Variants in NAV3 observed in about 807,000 individuals in gnomAD.
NAV3 encodes the protein neuron navigator 3, also known as pore membrane and/or filament interacting like protein 1.
NAV3 carries 87 observed loss-of-function variants against 244.7 expected under a neutral mutation model. The ratio of observed to expected loss-of-function variants is 0.36; its 90% CI spans 0.30 to 0.42. The LOEUF is 0.42. Among genes scored for constraint, NAV3 ranks in the 20% least tolerant of loss-of-function variants. NAV3 has a pLI of 1.00. For synonymous variants in NAV3, 1,126 were observed against 1,042.2 expected (o/e 1.08, Z -1.55); for missense variants, 2,663 against 2,893.3 (o/e 0.92, Z 1.83).
At chr12:78,206,526 A>G (rs1960324900) in intron 39 of NAV3, among the ~76,000 whole-genome samples, 1 of 152,134 alleles carries the variant, frequency 6.6e-6, no homozygotes, top group Non-Finnish European at 1.5e-5. Context: ...TAGTCTGTAG[A>G]GTATGAAACC....
At chr12:78,025,619 A>T (rs997058125) in intron 9 of NAV3, among the ~76,000 whole-genome samples, 7 of 146,334 alleles carry the variant, frequency 4.8e-5, no homozygotes, top group African/African-American at 1.7e-4. Flanking sequence ...AAAAAAAAAA[A>T]AAAAGAAATT....
chr12:77,777,746 G>C (rs907197060), intron 2 of NAV3, among the ~76,000 whole-genome samples: 1 of 151,844 alleles, frequency 6.6e-6, no homozygotes. Flanking sequence ...ACACAGAGAG[G>C]GGAGAAAAGA....
In NAV3 at chr12:77,968,501, A is replaced by G. The variant is rs369027934; in HGVS notation, c.488-18A>G. The G allele has an allele frequency of 1.4e-5, 22 of 1,587,628 alleles. No individual in the cohort carries two copies. The highest frequency in any genetic ancestry group is 4.1e-5 in the African/African-American group (3 of 73,728). ...TAAATACATATGATTCTTTTTTTGT[A>G]TTTTTCATTTCATACAGAAATAAGA... is the stretch of plus-strand genomic sequence containing the variant. On this transcript the variant is annotated intron_variant, in intron 4 of 39. Coordinates refer to ENST00000397909, the MANE Select transcript of NAV3 (RefSeq NM_001024383.2).
chr12:77,865,373 G>C (rs979471948), intron 1 of NAV3, among the ~76,000 whole-genome samples: 6 of 8,086 alleles, frequency 7.4e-4, no homozygotes, highest in African/African-American at 8.6e-4. Context: ...CATATTTCAA[G>C]CCCTCTTCTA....
intron 2 of NAV3, among the ~76,000 whole-genome samples, chr12:77,683,594 C>A (rs914158708): frequency 6.6e-6 from 1 of 152,080 alleles, no homozygotes; most frequent in Admixed American, 6.6e-5. Flanking sequence ...TGCACTGAAT[C>A]TGTAGATCGC....
At chr12:77,950,574 G>T (rs1890776053) in intron 3 of NAV3, 1 of 151,996 alleles carries the variant, frequency 6.6e-6, no homozygotes, top group Non-Finnish European at 1.5e-5. Context: ...CTACTTTAAA[G>T]TTCATATGGA....
At chr12:78,026,708 A>T (rs1054449604) in intron 9 of NAV3, among the ~76,000 whole-genome samples, 15 of 152,204 alleles carry the variant, frequency 9.9e-5, no homozygotes, top group Non-Finnish European at 2.1e-4. Flanking sequence ...GCATTTTAAA[A>T]TATATCCAGA....
At chr12:78,205,905 A>G (rs774294442) in intron 39 of NAV3, among the ~76,000 whole-genome samples, 3 of 152,166 alleles carry the variant, frequency 2.0e-5, no homozygotes, top group Non-Finnish European at 2.9e-5. Flanking sequence ...TATGTTGCTT[A>G]AATCAAACTA....
chr12:77,991,289 G>T (rs975273754), intron 5 of NAV3, among the ~76,000 whole-genome samples: 4 of 152,126 alleles, frequency 2.6e-5, no homozygotes, highest in African/African-American at 7.2e-5. Flanking sequence ...CTCCCAAAGT[G>T]CTGTGATTAC....
At chr12:77,905,229 T>C (rs1315139151) in intron 1 of NAV3, among the ~76,000 whole-genome samples, 1 of 152,114 alleles carries the variant, frequency 6.6e-6, no homozygotes, top group Non-Finnish European at 1.5e-5. Flanking sequence ...ATAGAATTGC[T>C]TTGGGGGAAA....
At chr12:78,176,369 A>G (rs776220220) in intron 25 of NAV3, 70 bp from the exon 26 acceptor site, 1 of 1,455,532 alleles carries the variant, frequency 6.9e-7, no homozygotes. Flanking sequence ...TATACAGGTA[A>G]TATTTTAAAA....
chr12:77,613,277 T>C (rs1871001771), intron 2 of NAV3, among the ~76,000 whole-genome samples: 1 of 152,188 alleles, frequency 6.6e-6, no homozygotes, highest in South Asian at 2.1e-4. Context: ...ACTTTTCAAA[T>C]GTGTTCTTTT....
chr12:77,591,233 G>T (rs1223566070), intron 2 of NAV3, among the ~76,000 whole-genome samples: 2 of 152,120 alleles, frequency 1.3e-5, no homozygotes, highest in Non-Finnish European at 2.9e-5. Context: ...TCTAAAAAAA[G>T]GTAGTGATTT....
chr12:77,948,219 C>T (rs1477965277), intron 3 of NAV3, among the ~76,000 whole-genome samples: 1 of 151,920 alleles, frequency 6.6e-6, no homozygotes, highest in Admixed American at 6.6e-5. Flanking sequence ...ACAAGAATGC[C>T]TTGTTGCATT....
At chr12:78,112,380 C>A (rs1955142544) in intron 12 of NAV3, among the ~76,000 whole-genome samples, 1 of 152,012 alleles carries the variant, frequency 6.6e-6, no homozygotes, top group African/African-American at 2.4e-5. Flanking sequence ...TTAGTCTGTT[C>A]TTAAACTGCT....
intron 2 of NAV3, among the ~76,000 whole-genome samples, chr12:77,808,259 T>G (rs1480017994): frequency 6.6e-6 from 1 of 152,216 alleles, no homozygotes; most frequent in Non-Finnish European, 1.5e-5. Context: ...AGAAGCGTTC[T>G]GGTTTTTGGA....
At chr12:77,952,084 A>C (rs529150940) in intron 3 of NAV3, among the ~76,000 whole-genome samples, 27 of 150,604 alleles carry the variant, frequency 1.8e-4, no homozygotes, top group African/African-American at 5.9e-4. Flanking sequence ...AAAAAAAAAA[A>C]CAGGTTGTTT....
intron 28 of NAV3, 91 bp downstream of exon 28, chr12:78,177,776 G>T (rs1400518654): frequency 3.1e-5 from 35 of 1,131,714 alleles, no homozygotes; most frequent in Non-Finnish European, 4.0e-5. Flanking sequence ...TCACTCACAT[G>T]CATTTCAACA....
intron 1 of NAV3, among the ~76,000 whole-genome samples, chr12:77,934,274 C>T (rs1347168318): frequency 6.6e-6 from 1 of 152,140 alleles, no homozygotes; most frequent in Non-Finnish European, 1.5e-5. Flanking sequence ...CTTATTTTAA[C>T]CTATCCTCAC....
Sources: allele counts gnomAD v4.1 joint callset (sites outside exome capture counted in the v4.1 genomes callset), GRCh38; gene constraint gnomAD v4.1.1; transcripts MANE v1.5; gene names NCBI Gene and HGNC (gene_info 2026-07-23, HGNC 2026-07-21).